FHOD3: variants seen among roughly 807,000 people sequenced by gnomAD.
The protein encoded by FHOD3 is FH1/FH2 domain-containing protein 3.
FHOD3 carries 90 observed loss-of-function variants against 173.0 expected under a neutral mutation model. The observed-to-expected ratio is 0.52, with a 90% CI of 0.44 to 0.62. The LOEUF (loss-of-function observed/expected upper bound fraction) is 0.62, where lower values mean the gene tolerates loss of function less well. Among genes scored for constraint, FHOD3 ranks in the 20% least tolerant of loss-of-function variants. The probability of loss-of-function intolerance (pLI) is 0.00; values close to 1 mark genes in which losing one functional copy is unlikely to be tolerated. For synonymous variants in FHOD3, 828 were observed against 823.0 expected (o/e 1.01, Z -0.10); for missense variants, 1,945 against 2,034.7 (o/e 0.96, Z 0.85).
intron 27 of FHOD3, among the ~76,000 whole-genome samples, chr18:36,761,988 G>A (rs532796147): frequency 3.3e-5 from 5 of 151,880 alleles, no homozygotes; most frequent in African/African-American, 7.2e-5. Flanking sequence ...TGAATATTGC[G>A]CCCACCAGAC....
chr18:36,760,473 G>T, intron 26 of FHOD3, 135 bp from the exon 27 acceptor site: 1 of 747,018 alleles, frequency 1.3e-6, no homozygotes, highest in South Asian at 3.5e-5. Context: ...TAACTTCAGT[G>T]ACTGCCGTAA....
chr18:36,340,889 G>A (rs545157704), intron 1 of FHOD3, among the ~76,000 whole-genome samples: 63 of 151,972 alleles, frequency 4.1e-4, no homozygotes, highest in African/African-American at 1.3e-3. Flanking sequence ...CGTCTGCCTC[G>A]GTCTCCCAAA....
intron 10 of FHOD3, among the ~76,000 whole-genome samples, chr18:36,632,063 G>A (rs1472705949): frequency 2.6e-5 from 4 of 152,132 alleles, no homozygotes; most frequent in Admixed American, 6.5e-5. Context: ...GCACATACAC[G>A]TTTGTGAGCA....
chr18:36,654,437 T>C (rs187803252), intron 13 of FHOD3, among the ~76,000 whole-genome samples: 57 of 152,338 alleles, frequency 3.7e-4, no homozygotes, highest in African/African-American at 1.3e-3. Flanking sequence ...TTGATATAAT[T>C]TGTCTATTGT....
chr18:36,402,544 C>T (rs541048880), intron 3 of FHOD3, among the ~76,000 whole-genome samples: 208 of 150,986 alleles, frequency 1.4e-3, no homozygotes, highest in Admixed American at 2.7e-3. Flanking sequence ...CACACACACA[C>T]ATATGAAAAT....
intron 7 of FHOD3, among the ~76,000 whole-genome samples, chr18:36,598,186 T>A (rs559811014): frequency 5.3e-5 from 8 of 152,210 alleles, no homozygotes; most frequent in Non-Finnish European, 1.0e-4. Context: ...CTTCTCAAAG[T>A]GGCTTTAGAC....
chr18:36,571,525 G>T (rs958693941), intron 5 of FHOD3, among the ~76,000 whole-genome samples: 2 of 152,208 alleles, frequency 1.3e-5, no homozygotes, highest in African/African-American at 4.8e-5. Flanking sequence ...GCTGCTTCCA[G>T]AATTTGTATT....
chr18:36,506,473 A>G (rs2055304181), intron 4 of FHOD3, among the ~76,000 whole-genome samples: 1 of 152,206 alleles, frequency 6.6e-6, no homozygotes, highest in South Asian at 2.1e-4. Flanking sequence ...TCTGTATGTC[A>G]AGTGAGAAGA....
At chr18:36,489,933 AAG>A (rs917130255) in intron 3 of FHOD3, among the ~76,000 whole-genome samples, 5 of 152,116 alleles carry the variant, frequency 3.3e-5, no homozygotes, top group African/African-American at 1.2e-4. Flanking sequence ...ATAGAGACTG[AAG>A]AGAGAGGCCA....
In FHOD3 at chr18:36,625,741, G is replaced by C; in HGVS notation, c.1188G>C (p.Leu396=). The C allele has an allele frequency of 6.2e-7, 1 of 1,606,776 alleles. No homozygotes were observed. The highest frequency in any genetic ancestry group is 8.5e-7 in the Non-Finnish European group (1 of 1,175,518). The change falls in exon 10 of 29, where the codon CTG becomes CTC. Residue 396 remains leucine (L), a synonymous_variant. Transcript: ENST00000590592. The stretch of plus-strand genomic sequence containing the variant: ...TCAAGCCCAACCAAGTGCGAGATCT[G>C]CGTGAAAAGTAAGCATTAACTTGGC... ...PSFKPNQVRD[L]REKEEEEEEE...
At chr18:36,483,556 G>A (rs2054040979) in intron 3 of FHOD3, among the ~76,000 whole-genome samples, 1 of 152,132 alleles carries the variant, frequency 6.6e-6, no homozygotes, top group African/African-American at 2.4e-5. Context: ...GGCTCTTTAT[G>A]TTTTATTCCA....
At chr18:36,453,944 G>C (rs1239504521) in intron 3 of FHOD3, among the ~76,000 whole-genome samples, 1 of 152,186 alleles carries the variant, frequency 6.6e-6, no homozygotes, top group Non-Finnish European at 1.5e-5. Flanking sequence ...ATACTGGTTT[G>C]AGCAATTCTT....
chr18:36,327,227 A>G (rs1183128443), intron 1 of FHOD3, among the ~76,000 whole-genome samples: 1 of 152,202 alleles, frequency 6.6e-6, no homozygotes, highest in Non-Finnish European at 1.5e-5. Context: ...TAAAAATTGT[A>G]TTCATCAAAG....
chr18:36,501,892 G>A lies in FHOD3; in HGVS notation c.338-40G>A, dbSNP rs774655858. ...TGTCTGTGTTTTCACTGTCAATAGA[G>A]TCAGTTTAATTAATTTATATGTTTT... On this transcript the variant is annotated intron_variant, in intron 3 of 28. Transcript: ENST00000590592. 10 of 1,372,006 alleles carry A rather than the reference G, an allele frequency of 7.3e-6. 1 individual carries two copies. The South Asian group carries it at 1.3e-4, about 18-fold the overall frequency. 85.0% of individuals were successfully genotyped at this position (1,372,006 alleles called of 1,614,324 possible).
At position 36,687,122 on chromosome 18, in the gene FHOD3, C is replaced by T; in HGVS notation, c.1971-6C>T. 6.2e-7 allele frequency: 1 copy of T among 1,605,550 alleles called. No individual in the cohort carries two copies. The highest frequency in any genetic ancestry group is 8.5e-7 in the Non-Finnish European group (1 of 1,173,392). Reference sequence around the variant, plus strand: ...CCTGTTTGTTTGTTCTACATATTTCCATTAGCCGAGATTATTTAGACAAAA... The same window carrying T: ...CCTGTTTGTTTGTTCTACATATTTCTATTAGCCGAGATTATTTAGACAAAA... On this transcript the variant is annotated splice_polypyrimidine_tract_variant and splice_region_variant and intron_variant, in intron 15 of 28. Coordinates refer to ENST00000590592, the MANE Select transcript of FHOD3 (RefSeq NM_001281740.3).
chr18:36,550,367 C>T (rs1463942149), intron 5 of FHOD3, among the ~76,000 whole-genome samples: 3 of 151,020 alleles, frequency 2.0e-5, no homozygotes, highest in Non-Finnish European at 4.4e-5. Context: ...ATAATAACTC[C>T]TAAAGTAGGT....
chr18:36,474,142 A>G (rs976550844), intron 3 of FHOD3, among the ~76,000 whole-genome samples: 1 of 152,030 alleles, frequency 6.6e-6, no homozygotes, highest in Non-Finnish European at 1.5e-5. Context: ...ATAGAACAGT[A>G]AGAAGACCTG....
chr18:36,363,127 A>T (rs1280059794), intron 2 of FHOD3, among the ~76,000 whole-genome samples: 1 of 152,204 alleles, frequency 6.6e-6, no homozygotes, highest in East Asian at 1.9e-4. Flanking sequence ...TGGCTAAAAT[A>T]AAAAAACACG....
intron 9 of FHOD3, among the ~76,000 whole-genome samples, chr18:36,617,504 C>G (rs1027366891): frequency 6.6e-6 from 1 of 151,920 alleles, no homozygotes; most frequent in African/African-American, 2.4e-5. Context: ...TTTATCTGCT[C>G]TGCTCTGAAC....
Sources: gnomAD v4.1 joint callset for allele counts (sites outside exome capture counted in the v4.1 genomes callset) on GRCh38, gnomAD v4.1.1 for gene constraint, MANE v1.5 for transcripts, NCBI Gene and HGNC (gene_info 2026-07-23, HGNC 2026-07-21) for gene names.